The following ARHGAP24 variants were observed in gnomAD, a reference collection of about 807,000 sequenced individuals.
The protein encoded by ARHGAP24 is Rho GTPase activating protein 24, also known as rho GTPase-activating protein 24.
ARHGAP24 carries 50 observed loss-of-function variants against 76.4 expected under a neutral mutation model. The observed-to-expected ratio is 0.65, with a 90% CI of 0.52 to 0.83. The LOEUF (loss-of-function observed/expected upper bound fraction) is 0.83, where lower values mean the gene tolerates loss of function less well. ARHGAP24 is among the 40% of genes least tolerant of loss of function. ARHGAP24 has a pLI of 0.00. For synonymous variants in ARHGAP24, 345 were observed against 323.3 expected (o/e 1.07, Z -0.72); for missense variants, 930 against 914.2 (o/e 1.02, Z -0.22).
chr4:85,600,970 G>T (rs10015628), intron 2 of ARHGAP24, among the ~76,000 whole-genome samples: 1,716 of 152,220 alleles, frequency 0.011, 37 homozygotes, highest in African/African-American at 0.039. Flanking sequence ...GGCTAAAAAG[G>T]ATGAATATGA....
chr4:85,814,478 CAA>C (rs1362570713), intron 3 of ARHGAP24, among the ~76,000 whole-genome samples: 1 of 152,172 alleles, frequency 6.6e-6, no homozygotes, highest in Non-Finnish European at 1.5e-5. Context: ...TTGGCCAAAA[CAA>C]AGGGACTACA....
intron 3 of ARHGAP24, among the ~76,000 whole-genome samples, chr4:85,898,421 A>G (rs1578361788): frequency 6.6e-6 from 1 of 152,284 alleles, no homozygotes; most frequent in East Asian, 1.9e-4. Context: ...ACACGTATTT[A>G]TATCCATACT....
In ARHGAP24 at chr4:85,519,807, A is replaced by G. The variant is rs527312448; in HGVS notation, c.-21+44248A>G. ...CCCTCTACTGAAATCTTCAATGGCT[A>G]CCTCTTATCTTGTTCATTATAAAAG... On this transcript the variant is annotated intron_variant, in intron 1 of 9. Coordinates refer to ENST00000395184, the MANE Select transcript of ARHGAP24 (RefSeq NM_001025616.3). 8.3e-3 allele frequency among the ~76,000 whole-genome samples: 982 copies of G among 118,258 alleles called. 7 individuals carry two copies. The highest frequency in any genetic ancestry group is 0.012 in the Non-Finnish European group (708 of 60,764). The allele number at this position is 118,258 out of a possible 152,430, so 77.6% of individuals were successfully genotyped here. A position where few individuals can be genotyped will look rare whatever the true frequency, so the allele number is the denominator to read the frequency against.
At chr4:85,738,140 C>T (rs1160657753) in intron 3 of ARHGAP24, among the ~76,000 whole-genome samples, 7 of 152,010 alleles carry the variant, frequency 4.6e-5, no homozygotes, top group African/African-American at 9.7e-5. Flanking sequence ...AGGCTCGTCT[C>T]GAACTCCTGA....
intron 2 of ARHGAP24, among the ~76,000 whole-genome samples, chr4:85,673,130 A>G (rs980982597): frequency 6.6e-6 from 1 of 152,110 alleles, no homozygotes; most frequent in African/African-American, 2.4e-5. Context: ...GCACAAAGAA[A>G]ATGTTCAGTC....
chr4:85,476,661 C>A (rs780025486), intron 1 of ARHGAP24, among the ~76,000 whole-genome samples: 1 of 152,102 alleles, frequency 6.6e-6, no homozygotes, highest in Non-Finnish European at 1.5e-5. Context: ...GATGTACAGA[C>A]GGATTAAATA....
intron 8 of ARHGAP24, among the ~76,000 whole-genome samples, chr4:85,986,849 T>A (rs570742795): frequency 3.3e-4 from 50 of 152,114 alleles, no homozygotes; most frequent in African/African-American, 1.2e-3. Context: ...TTGTGTAGAG[T>A]TCTCACAAAG....
intron 3 of ARHGAP24, among the ~76,000 whole-genome samples, chr4:85,784,530 G>A (rs114502627): frequency 1.5e-3 from 235 of 151,962 alleles, no homozygotes; most frequent in African/African-American, 5.5e-3. Flanking sequence ...CACAATGCTC[G>A]CATCAGGATC....
At chr4:85,714,896 G>C (rs1043908110) in intron 2 of ARHGAP24, among the ~76,000 whole-genome samples, 5 of 152,086 alleles carry the variant, frequency 3.3e-5, no homozygotes, top group Non-Finnish European at 1.5e-5. Flanking sequence ...TTAGAAAGAG[G>C]AACATAAATT....
intron 3 of ARHGAP24, among the ~76,000 whole-genome samples, chr4:85,792,457 G>C (rs1258028244): frequency 1.3e-5 from 2 of 152,044 alleles, no homozygotes; most frequent in Non-Finnish European, 2.9e-5. Flanking sequence ...TTAATCCAGT[G>C]AAGTTTCTTG....
chr4:85,626,206 T>A (rs1409518426), intron 2 of ARHGAP24, among the ~76,000 whole-genome samples: 1 of 152,244 alleles, frequency 6.6e-6, no homozygotes, highest in Admixed American at 6.5e-5. Flanking sequence ...CAGTGGCTGT[T>A]ACTGGTTTTT....
At chr4:85,871,315 A>G (rs1476722492) in intron 3 of ARHGAP24, among the ~76,000 whole-genome samples, 1 of 152,216 alleles carries the variant, frequency 6.6e-6, no homozygotes, top group East Asian at 1.9e-4. Context: ...CAACAAATTA[A>G]TAATTTATGA....
intron 1 of ARHGAP24, among the ~76,000 whole-genome samples, chr4:85,491,891 AC>A (rs1443445449): frequency 1.3e-5 from 2 of 152,182 alleles, no homozygotes; most frequent in Non-Finnish European, 2.9e-5. Flanking sequence ...TGAGTGAGGG[AC>A]CACATCACCA....
At chr4:85,619,067 A>G (rs947073039) in intron 2 of ARHGAP24, among the ~76,000 whole-genome samples, 3 of 151,876 alleles carry the variant, frequency 2.0e-5, no homozygotes, top group East Asian at 1.9e-4. Context: ...CTTTTCCCCT[A>G]TGTTTTCTTC....
chr4:85,947,065 C>G (rs1737316876), intron 5 of ARHGAP24, among the ~76,000 whole-genome samples: 1 of 152,096 alleles, frequency 6.6e-6, no homozygotes, highest in African/African-American at 2.4e-5. Flanking sequence ...TTTTGATATG[C>G]ATTTCTCTGA....
At chr4:85,613,571 C>T (rs944812567) in intron 2 of ARHGAP24, among the ~76,000 whole-genome samples, 1 of 152,162 alleles carries the variant, frequency 6.6e-6, no homozygotes, top group Non-Finnish European at 1.5e-5. Context: ...CTGGGATCGC[C>T]ATATGTCCTC....
intron 2 of ARHGAP24, among the ~76,000 whole-genome samples, chr4:85,703,802 A>G (rs762103130): frequency 2.6e-4 from 40 of 152,162 alleles, no homozygotes; most frequent in Non-Finnish European, 4.6e-4. Context: ...CAGAGCATCA[A>G]CAACACTACA....
chr4:85,577,870 T>A (rs1727443678), intron 2 of ARHGAP24, among the ~76,000 whole-genome samples: 1 of 152,062 alleles, frequency 6.6e-6, no homozygotes, highest in African/African-American at 2.4e-5. Flanking sequence ...CCATAGCCCT[T>A]TTGTAAGTTG....
intron 3 of ARHGAP24, among the ~76,000 whole-genome samples, chr4:85,748,934 T>C (rs1726150423): frequency 6.6e-6 from 1 of 152,192 alleles, no homozygotes; most frequent in South Asian, 2.1e-4. Flanking sequence ...GCATCATTCC[T>C]GTTTCTTGTC....
Sources: allele counts gnomAD v4.1 joint callset (sites outside exome capture counted in the v4.1 genomes callset), GRCh38; gene constraint gnomAD v4.1.1; transcripts MANE v1.5; gene names NCBI Gene and HGNC (gene_info 2026-07-23, HGNC 2026-07-21).